Variants in KIRREL3 observed in about 807,000 individuals in gnomAD.
KIRREL3 encodes kirre like nephrin family adhesion molecule 3, also known as kin of IRRE-like protein 3.
A neutral mutation model predicts 89.7 loss-of-function variants in KIRREL3; 36 were observed. The observed-to-expected ratio is 0.40, with a 90% CI of 0.31 to 0.53. The LOEUF is 0.53. Among genes scored for constraint, KIRREL3 ranks in the 20% least tolerant of loss-of-function variants. The probability of loss-of-function intolerance (pLI) is 0.49; values close to 1 mark genes in which losing one functional copy is unlikely to be tolerated. For synonymous variants in KIRREL3, 445 were observed against 441.4 expected (o/e 1.01, Z -0.10); for missense variants, 864 against 1,056.6 (o/e 0.82, Z 2.53).
In KIRREL3 at chr11:126,459,316, C is replaced by T. The variant is rs183447123; in HGVS notation, c.743-2862G>A. Among the ~76,000 whole-genome samples, 4 of 152,234 alleles carry T rather than the reference C, an allele frequency of 2.6e-5. No individual in the cohort carries two copies. Among genetic ancestry groups the T allele is most frequent in the East Asian group, 3.9e-4 (2 of 5,176 alleles). On this transcript the variant is annotated intron_variant, in intron 6 of 16. Coordinates refer to ENST00000525144, the MANE Select transcript of KIRREL3 (RefSeq NM_032531.4). The surrounding 1 kb of genome is among the most constrained non-coding windows in gnomAD (Gnocchi z 4.8). The stretch of plus-strand genomic sequence containing the variant: ...CCTGTTGTAGGACCTTCCTGCTGCC[C>T]GATGCCTCATCACGCCCCTGCCATG...
At chr11:126,775,492 G>A (rs1038800337) in intron 1 of KIRREL3, among the ~76,000 whole-genome samples, 4 of 151,996 alleles carry the variant, frequency 2.6e-5, no homozygotes, top group East Asian at 1.9e-4. Context: ...TTTCATCCCC[G>A]TGACGACAGG....
chr11:126,871,918 G>C (rs1945122673), intron 1 of KIRREL3, among the ~76,000 whole-genome samples: 1 of 152,212 alleles, frequency 6.6e-6, no homozygotes, highest in African/African-American at 2.4e-5. Flanking sequence ...CCTGCCATCA[G>C]AGAGTGGAAG....
rs1455830012 is a variant in KIRREL3, at chr11:126,454,456, T to G, written c.848+1893A>C. Reference sequence around the variant, plus strand: ...GCCCAACAGGCATTCTAAGGGTGGCTGTGAGGGTGAATAGGGGTGCTTGCC... The same window carrying G: ...GCCCAACAGGCATTCTAAGGGTGGCGGTGAGGGTGAATAGGGGTGCTTGCC... On this transcript the variant is annotated intron_variant, in intron 7 of 16. Transcript: ENST00000525144. This position sits in a 1 kb window ranked among gnomAD's most constrained non-coding sequence, Gnocchi z 5.8. Among the ~76,000 whole-genome samples the G allele has an allele frequency of 6.6e-6, 1 of 152,118 alleles. No homozygotes were observed. Among genetic ancestry groups the G allele is most frequent in the Admixed American group, 6.5e-5 (1 of 15,270 alleles).
rs1591815544 is a variant in KIRREL3, at chr11:126,611,452, A to G, written c.56-48540T>C. On this transcript the variant is annotated intron_variant, in intron 1 of 16. Transcript: ENST00000525144. This position sits in a 1 kb window ranked among gnomAD's most constrained non-coding sequence, Gnocchi z 4.7. The stretch of plus-strand genomic sequence containing the variant: ...CCGTCCTTGGTATGCACACACATGC[A>G]TGGAAGCTATATTCCTCCTTCATAC... Among the ~76,000 whole-genome samples the G allele has an allele frequency of 6.6e-6, 1 of 152,188 alleles. No homozygotes were observed. The highest frequency in any genetic ancestry group is 2.4e-5 in the African/African-American group (1 of 41,442).
In KIRREL3 at chr11:126,990,502, G is replaced by T. The variant is rs1467575353; in HGVS notation, c.55+9953C>A. On this transcript the variant is annotated intron_variant, in intron 1 of 16. Coordinates refer to ENST00000525144, the MANE Select transcript of KIRREL3 (RefSeq NM_032531.4). This position sits in a 1 kb window ranked among gnomAD's most constrained non-coding sequence, Gnocchi z 6.3. ...CCTTCCCCGTCCTAAGGGACCTCCC[G>T]GGCTCTGCTCTCTCTGGGCAGGTTC... 6.6e-6 allele frequency among the ~76,000 whole-genome samples: 1 copy of T among 151,474 alleles called. No homozygotes were observed. The highest frequency in any genetic ancestry group is 1.5e-5 in the Non-Finnish European group (1 of 67,960).
In KIRREL3 at chr11:126,641,114, G is replaced by C. The variant is rs77324500; in HGVS notation, c.56-78202C>G. Among the ~76,000 whole-genome samples, 1 of 152,116 alleles carries C rather than the reference G, an allele frequency of 6.6e-6. No individual in the cohort carries two copies. ...CATCTTTGAAGAAGATGATAAACTT[G>C]TCAGTGGCAATTTTATCCTTCCAGT... On this transcript the variant is annotated intron_variant, in intron 1 of 16. Coordinates refer to ENST00000525144, the MANE Select transcript of KIRREL3 (RefSeq NM_032531.4). The surrounding 1 kb of genome is among the most constrained non-coding windows in gnomAD (Gnocchi z 5.0).
At position 126,943,315 on chromosome 11, in the gene KIRREL3, G is replaced by A. The variant is rs1020425127; in HGVS notation, c.55+57140C>T. Among the ~76,000 whole-genome samples the A allele has an allele frequency of 2.0e-5, 3 of 152,128 alleles. No homozygotes were observed. The highest frequency in any genetic ancestry group is 7.2e-5 in the African/African-American group (3 of 41,424). ...GCCCTGTTCCAGGGAGGAGTGGAGGGAGACTCCATCTCCACCACGGAACGC... is the reference window on the plus strand; with the variant it reads ...GCCCTGTTCCAGGGAGGAGTGGAGGAAGACTCCATCTCCACCACGGAACGC... On this transcript the variant is annotated intron_variant, in intron 1 of 16. Transcript: ENST00000525144. The surrounding 1 kb of genome is among the most constrained non-coding windows in gnomAD (Gnocchi z 4.2).
chr11:126,718,395 A>G (rs1163829118), intron 1 of KIRREL3, among the ~76,000 whole-genome samples: 1 of 152,240 alleles, frequency 6.6e-6, no homozygotes, highest in East Asian at 1.9e-4. Context: ...AAAAATTGCC[A>G]TAGAAAGATG....
intron 1 of KIRREL3, among the ~76,000 whole-genome samples, chr11:126,809,635 C>T (rs1037333703): frequency 6.6e-6 from 1 of 152,204 alleles, no homozygotes; most frequent in Non-Finnish European, 1.5e-5. Context: ...TCGCTGTATG[C>T]TAACTGGAGA....
Position 126,472,703 on chromosome 11 carries a change from G to GGAGAGAGAGAGAGAGAGA in KIRREL3, c.591+588_591+605dup, listed in dbSNP as rs56276959. On this transcript the variant is annotated intron_variant, in intron 5 of 16. Transcript: ENST00000525144. ...CCCAGCAGTTACCCTAGGACATAGA[G>GGAGAGAGAGAGAGAGAGA]GAGAGAGAGAGAGAGAGAGAGAGAG... 9.6e-3 allele frequency among the ~76,000 whole-genome samples: 1,288 copies of GGAGAGAGAGAGAGAGAGA among 134,106 alleles called. 24 individuals are homozygous for GGAGAGAGAGAGAGAGAGA. Among genetic ancestry groups the GGAGAGAGAGAGAGAGAGA allele is most frequent in the Admixed American group, 0.018 (214 of 12,198 alleles). The allele number at this position is 134,106 out of a possible 152,430, so 88.0% of individuals were successfully genotyped here. A position where few individuals can be genotyped will look rare whatever the true frequency, so the allele number is the denominator to read the frequency against.
At chr11:126,467,062 C>T (rs754619968) in intron 5 of KIRREL3, among the ~76,000 whole-genome samples, 1 of 152,358 alleles carries the variant, frequency 6.6e-6, no homozygotes, top group South Asian at 2.1e-4. Context: ...ATATAGATGG[C>T]GTGTGTGCAG....
Position 126,977,427 on chromosome 11 carries a change from G to A in KIRREL3, c.55+23028C>T, listed in dbSNP as rs766596563. Among the ~76,000 whole-genome samples, 7 of 152,018 alleles carry A rather than the reference G, an allele frequency of 4.6e-5. No individual in the cohort carries two copies. Among genetic ancestry groups the A allele is most frequent in the Admixed American group, 6.6e-5 (1 of 15,260 alleles). ...TTGTTTATTTTCTACTGCCTCTGGC[G>A]ATGCTCCTGATCCTCCAGGATCAGG... is the stretch of plus-strand genomic sequence containing the variant. On this transcript the variant is annotated intron_variant, in intron 1 of 16. Coordinates refer to ENST00000525144, the MANE Select transcript of KIRREL3 (RefSeq NM_032531.4). This position sits in a 1 kb window ranked among gnomAD's most constrained non-coding sequence, Gnocchi z 4.7.
chr11:126,431,353 G>C lies in KIRREL3; in HGVS notation c.1696+66C>G. On this transcript the variant is annotated intron_variant, in intron 14 of 16. Transcript: ENST00000525144. This position sits in a 1 kb window ranked among gnomAD's most constrained non-coding sequence, Gnocchi z 7.1. ...TTGCACTCCTGCTTACTTGCTCTCCGGGGCAGCCTAAGCCTGGCCTTTTTC... is the reference window on the plus strand; with the variant it reads ...TTGCACTCCTGCTTACTTGCTCTCCCGGGCAGCCTAAGCCTGGCCTTTTTC... 1.9e-6 allele frequency: 3 copies of C among 1,591,902 alleles called. No individual in the cohort carries two copies. Among genetic ancestry groups the C allele is most frequent in the Non-Finnish European group, 2.6e-6 (3 of 1,169,354 alleles).
Position 126,682,319 on chromosome 11 carries a change from G to A in KIRREL3, c.56-119407C>T, listed in dbSNP as rs1466111381. On this transcript the variant is annotated intron_variant, in intron 1 of 16. Coordinates refer to ENST00000525144, the MANE Select transcript of KIRREL3 (RefSeq NM_032531.4). This position sits in a 1 kb window ranked among gnomAD's most constrained non-coding sequence, Gnocchi z 4.8. ...TCTAGGTTAGAGTGGGTGACACTGA[G>A]CATGTAACTTAACCTCTCTGAAGCA... 6.6e-6 allele frequency among the ~76,000 whole-genome samples: 1 copy of A among 152,122 alleles called. No individual in the cohort carries two copies. Among genetic ancestry groups the A allele is most frequent in the Non-Finnish European group, 1.5e-5 (1 of 68,016 alleles).
At chr11:126,857,186 G>A (rs940036178) in intron 1 of KIRREL3, among the ~76,000 whole-genome samples, 7 of 152,144 alleles carry the variant, frequency 4.6e-5, no homozygotes, top group Non-Finnish European at 7.4e-5. Context: ...GCACACGATC[G>A]ATGCTCCTCC....
rs1037451406 is a variant in KIRREL3 at position 126,876,770 on chromosome 11, C to T, written c.55+123685G>A. Among the ~76,000 whole-genome samples, 1 of 152,080 alleles carries T rather than the reference C, an allele frequency of 6.6e-6. No homozygotes were observed. Among genetic ancestry groups the T allele is most frequent in the African/African-American group, 2.4e-5 (1 of 41,408 alleles). On this transcript the variant is annotated intron_variant, in intron 1 of 16. Coordinates refer to ENST00000525144, the MANE Select transcript of KIRREL3 (RefSeq NM_032531.4). The surrounding 1 kb of genome is among the most constrained non-coding windows in gnomAD (Gnocchi z 4.1). ...GGCCAGGCTGGTTTTGAACTCATGACCTGATCTGCCCGCCTCAGCCTCCCG... is the reference window on the plus strand; with the variant it reads ...GGCCAGGCTGGTTTTGAACTCATGATCTGATCTGCCCGCCTCAGCCTCCCG...
rs1276075839 is a variant in KIRREL3, at chr11:126,772,072, G to C, written c.56-209160C>G. Among the ~76,000 whole-genome samples the C allele has an allele frequency of 6.6e-6, 1 of 152,206 alleles. No homozygotes were observed. The highest frequency in any genetic ancestry group is 2.4e-5 in the African/African-American group (1 of 41,456). ...ACCTGTCAGAGCTCTAAAGCACTAA[G>C]AGGTGCCAGCTCATTCTCAGGGCAG... On this transcript the variant is annotated intron_variant, in intron 1 of 16. Coordinates refer to ENST00000525144, the MANE Select transcript of KIRREL3 (RefSeq NM_032531.4). This position sits in a 1 kb window ranked among gnomAD's most constrained non-coding sequence, Gnocchi z 4.6.
chr11:126,680,197 C>T (rs759129273), intron 1 of KIRREL3, among the ~76,000 whole-genome samples: 1 of 152,132 alleles, frequency 6.6e-6, no homozygotes, highest in African/African-American at 2.4e-5. Context: ...CAGTAAAGAT[C>T]GGTTGCTTTC....
In KIRREL3 at chr11:126,879,350, C is replaced by G. The variant is rs1448531877; in HGVS notation, c.55+121105G>C. ...CACTAACGTGGAATTACTGAACCGT[C>G]ACACACATCTGGAAATGTATGTTTC... On this transcript the variant is annotated intron_variant, in intron 1 of 16. Coordinates refer to ENST00000525144, the MANE Select transcript of KIRREL3 (RefSeq NM_032531.4). The surrounding 1 kb of genome is among the most constrained non-coding windows in gnomAD (Gnocchi z 5.4). 2.0e-5 allele frequency among the ~76,000 whole-genome samples: 3 copies of G among 152,210 alleles called. No homozygotes were observed. The highest frequency in any genetic ancestry group is 7.2e-5 in the African/African-American group (3 of 41,460).
Sources: allele counts gnomAD v4.1 joint callset (sites outside exome capture counted in the v4.1 genomes callset), GRCh38; gene constraint gnomAD v4.1.1; non-coding constraint Gnocchi (gnomAD v3.1); transcripts MANE v1.5; gene names NCBI Gene and HGNC (gene_info 2026-07-23, HGNC 2026-07-21).